The following SLC66A2 variants were observed in gnomAD, a reference collection of about 807,000 sequenced individuals.
SLC66A2 encodes PQ loop repeat containing 1.
SLC66A2 carries 23 observed loss-of-function variants against 25.5 expected under a neutral mutation model. The observed-to-expected ratio is 0.90, with a 90% CI of 0.65 to 1.28. The LOEUF (loss-of-function observed/expected upper bound fraction) is 1.28. Ranked by LOEUF, SLC66A2 falls within the 50% of genes most tolerant of loss-of-function variation. The pLI is 0.00. For synonymous variants in SLC66A2, 193 were observed against 166.5 expected, an observed-to-expected ratio of 1.16 and a Z score of -1.23; for missense variants, 396 against 373.1, an observed-to-expected ratio of 1.06 and a Z score of -0.51.
At chr18:79,929,884 C>G (rs1401694795) in intron 4 of SLC66A2, among the ~76,000 whole-genome samples, 1 of 151,958 alleles carries the variant, frequency 6.6e-6, no homozygotes, top group Non-Finnish European at 1.5e-5. Context: ...AAAGAAATAT[C>G]AATAAAGACT....
At chr18:79,931,282 AT>A (rs961195364) in intron 4 of SLC66A2, among the ~76,000 whole-genome samples, 1 of 152,098 alleles carries the variant, frequency 6.6e-6, no homozygotes, top group Non-Finnish European at 1.5e-5. Flanking sequence ...GCCAGAATGG[AT>A]TTTTTTTAAA....
At chr18:79,911,263 C>CTATCTTCAGTGAAACA (rs1369045873) in intron 5 of SLC66A2, among the ~76,000 whole-genome samples, 3 of 152,250 alleles carry the variant, frequency 2.0e-5, no homozygotes, top group Non-Finnish European at 4.4e-5. Context: ...GACATCTTTC[C>CTATCTTCAGTGAAACA]GTCCCCTTCC....
intron 2 of SLC66A2, chr18:79,943,754 G>A (rs1002067655): frequency 6.4e-5 from 21 of 329,390 alleles, no homozygotes; most frequent in Non-Finnish European, 9.5e-5. Context: ...GCCCACCCAT[G>A]CCGCCTCTCC....
chr18:79,925,873 G>T (rs1006881078), intron 4 of SLC66A2, among the ~76,000 whole-genome samples: 1 of 152,226 alleles, frequency 6.6e-6, no homozygotes, highest in Non-Finnish European at 1.5e-5. Context: ...ATGAGGCTGA[G>T]GCCCTCTGAG....
chr18:79,921,671 A>G (rs200308229), intron 4 of SLC66A2, among the ~76,000 whole-genome samples: 1 of 13,982 alleles, frequency 7.2e-5, no homozygotes, highest in African/African-American at 1.5e-4. Flanking sequence ...TGAGAGGTCA[A>G]GCTCAGTGGG....
chr18:79,945,640 A>G (rs1381210352), intron 2 of SLC66A2, among the ~76,000 whole-genome samples: 2 of 152,232 alleles, frequency 1.3e-5, no homozygotes, highest in African/African-American at 2.4e-5. Flanking sequence ...CAGCTTGAAC[A>G]GGGTTTTCTG....
chr18:79,946,328 T>C (rs921432978), intron 2 of SLC66A2, among the ~76,000 whole-genome samples: 24 of 152,234 alleles, frequency 1.6e-4, no homozygotes, highest in African/African-American at 5.8e-4. Context: ...CCAGCAGCAT[T>C]AGTAATTTTA....
rs375304071 is a variant in SLC66A2 at position 79,931,800 on chromosome 18, C to A, written c.391+2169G>T. Among the ~76,000 whole-genome samples the A allele has an allele frequency of 6.6e-5, 10 of 152,214 alleles. 1 individual carries two copies. The highest frequency in any genetic ancestry group is 4.6e-4 in the Admixed American group (7 of 15,286). ...GGCTGTGGTGGGTGGGTGCCCTGAG[C>A]TCTGGAGTTTGAGACCAGCCTGGTA... On this transcript the variant is annotated intron_variant, in intron 4 of 5. Coordinates refer to ENST00000397778, the MANE Select transcript of SLC66A2 (RefSeq NM_025078.5).
rs1987517280 is a variant in SLC66A2 at position 79,940,084 on chromosome 18, C to G, written c.337+3245G>C. 1.3e-5 allele frequency among the ~76,000 whole-genome samples: 2 copies of G among 152,138 alleles called. No individual in the cohort carries two copies. The highest frequency in any genetic ancestry group is 1.3e-4 in the Admixed American group (2 of 15,272). On this transcript the variant is annotated intron_variant, in intron 3 of 5. Transcript: ENST00000397778. This position sits in a 1 kb window ranked among gnomAD's most constrained non-coding sequence, Gnocchi z 4.1. ...AACAAGATCGTATCCTTTAGAGGAG[C>G]ACAGATGGAGCTGGAGGCCATCATC...
At chr18:79,942,880 G>A (rs1244736846) in intron 3 of SLC66A2, among the ~76,000 whole-genome samples, 1 of 152,234 alleles carries the variant, frequency 6.6e-6, no homozygotes, top group African/African-American at 2.4e-5. Context: ...CTCTGGGTCT[G>A]TTTAACAAGG....
rs574789947 is a variant in SLC66A2, at chr18:79,904,792, C to T, written c.609-609G>A. On this transcript the variant is annotated intron_variant, in intron 5 of 5. Transcript: ENST00000397778. This position sits in a 1 kb window ranked among gnomAD's most constrained non-coding sequence, Gnocchi z 6.3. ...CCCAGTCCGAACACGCTTCCCCCAC[C>T]GCTGTGTTCATGCCCTGGCTTGCCT... Among the ~76,000 whole-genome samples the T allele has an allele frequency of 3.9e-5, 6 of 152,344 alleles. No individual in the cohort carries two copies. Among genetic ancestry groups the T allele is most frequent in the East Asian group, 1.9e-4 (1 of 5,184 alleles).
chr18:79,919,026 G>A lies in SLC66A2; in HGVS notation c.608+158C>T, dbSNP rs1234141444. ...CATCTGCTCCAGCGCGAGGTCGAGG[G>A]GCCAAGGCCTATAAACCTGCTATTC... On this transcript the variant is annotated intron_variant, in intron 5 of 5. Transcript: ENST00000397778. 2.6e-5 allele frequency among the ~76,000 whole-genome samples: 4 copies of A among 152,258 alleles called. No individual in the cohort carries two copies. In the East Asian group the frequency reaches 5.8e-4, roughly 22 times the overall value.
At chr18:79,910,645 G>T (rs568741064) in intron 5 of SLC66A2, among the ~76,000 whole-genome samples, 1 of 152,252 alleles carries the variant, frequency 6.6e-6, no homozygotes, top group Non-Finnish European at 1.5e-5. Context: ...GAGACCATAT[G>T]AACCACACAA....
intron 2 of SLC66A2, among the ~76,000 whole-genome samples, chr18:79,950,412 T>C (rs1324360582): frequency 6.6e-6 from 1 of 152,192 alleles, no homozygotes; most frequent in Non-Finnish European, 1.5e-5. Context: ...GAACGGCTCC[T>C]CTCCACAGGC....
chr18:79,916,285 C>CTCATAG, intron 5 of SLC66A2, among the ~76,000 whole-genome samples: 11 of 151,764 alleles, frequency 7.2e-5, no homozygotes, highest in African/African-American at 2.7e-4. Flanking sequence ...CCGTGGTGCT[C>CTCATAG]CCGTACCCGT....
chr18:79,947,219 C>T (rs889799133), intron 2 of SLC66A2: 1 of 152,312 alleles, frequency 6.6e-6, no homozygotes, highest in Admixed American at 6.5e-5. Context: ...CTGGCAAACA[C>T]CAGCTATGAG....
intron 4 of SLC66A2, among the ~76,000 whole-genome samples, chr18:79,922,246 G>C (rs929384846): frequency 6.7e-6 from 1 of 148,604 alleles, no homozygotes; most frequent in Non-Finnish European, 1.5e-5. Context: ...GTTGAGGCCA[G>C]CTTAGGCAAC....
In SLC66A2 at chr18:79,918,403, C is replaced by T. The variant is rs1380240378; in HGVS notation, c.608+781G>A. On this transcript the variant is annotated intron_variant, in intron 5 of 5. Coordinates refer to ENST00000397778, the MANE Select transcript of SLC66A2 (RefSeq NM_025078.5). The surrounding 1 kb of genome is among the most constrained non-coding windows in gnomAD (Gnocchi z 4.0). ...GGAGCGGGCACCGGGGGGCGGATCC[C>T]CAGTGAGGAGCGGGCCCGGGGGGGG... Among the ~76,000 whole-genome samples the T allele has an allele frequency of 8.2e-6, 1 of 122,166 alleles. No homozygotes were observed. Among genetic ancestry groups the T allele is most frequent in the Non-Finnish European group, 1.9e-5 (1 of 52,026 alleles). 80.1% of individuals were successfully genotyped at this position (122,166 alleles called of 152,430 possible).
chr18:79,932,568 AC>A (rs1280208813), intron 4 of SLC66A2, among the ~76,000 whole-genome samples: 1 of 152,148 alleles, frequency 6.6e-6, no homozygotes, highest in Non-Finnish European at 1.5e-5. Context: ...TTTTAGCTAG[AC>A]TGACCAAAAA....
Sources: allele counts gnomAD v4.1 joint callset (sites outside exome capture counted in the v4.1 genomes callset), GRCh38; gene constraint gnomAD v4.1.1; non-coding constraint Gnocchi (gnomAD v3.1); transcripts MANE v1.5; gene names NCBI Gene and HGNC (gene_info 2026-07-23, HGNC 2026-07-21).